EP400: variants seen among roughly 807,000 people sequenced by gnomAD.
EP400 encodes E1A binding protein p400, also known as E1A-binding protein p400.
EP400 carries 105 observed loss-of-function variants against 354.1 expected under a neutral mutation model. The ratio of observed to expected loss-of-function variants is 0.30; its 90% CI spans 0.25 to 0.35. The LOEUF is 0.35. EP400 is among the 10% of genes least tolerant of loss of function. The pLI is 1.00. For synonymous variants in EP400, 1,646 were observed against 1,716.9 expected (o/e 0.96, Z 1.02); for missense variants, 3,280 against 4,121.0 (o/e 0.80, Z 5.59).
In EP400 at chr12:132,043,469, G is replaced by A; in HGVS notation, c.6366+7G>A. ...AGCTGACTTCATGGAGCAGGTTTGGGCATGTTTTCCTTTACAACTACATAT... is the reference window on the plus strand; with the variant it reads ...AGCTGACTTCATGGAGCAGGTTTGGACATGTTTTCCTTTACAACTACATAT... On this transcript the variant is annotated splice_region_variant and intron_variant, in intron 33 of 52. Coordinates refer to ENST00000389561, the MANE Select transcript of EP400 (RefSeq NM_015409.5). 6.2e-7 allele frequency: 1 copy of A among 1,611,140 alleles called. No homozygotes were observed. The highest frequency in any genetic ancestry group is 1.7e-5 in the Admixed American group (1 of 59,676).
chr12:132,020,740 T>C (rs760616215), intron 22 of EP400, among the ~76,000 whole-genome samples: 5 of 152,254 alleles, frequency 3.3e-5, no homozygotes, highest in East Asian at 1.9e-4. Flanking sequence ...TATAGAAATA[T>C]GAGTGGAAGC....
At chr12:132,033,827 C>T (rs539366933) in intron 30 of EP400, among the ~76,000 whole-genome samples, 21 of 152,258 alleles carry the variant, frequency 1.4e-4, no homozygotes, top group East Asian at 7.7e-4. Context: ...TCACTGCACC[C>T]GGCCAACCAT....
At chr12:132,064,950 G>A in intron 48 of EP400, 64 bp downstream of exon 48, 3 of 1,529,564 alleles carry the variant, frequency 2.0e-6, no homozygotes, top group South Asian at 1.2e-5. Flanking sequence ...CACAGCTGTT[G>A]CGCTTGCTCA....
intron 2 of EP400, chr12:131,963,651 CGATG>C: frequency 1.3e-6 from 2 of 1,593,480 alleles, no homozygotes; most frequent in Non-Finnish European, 1.7e-6. Context: ...AGGTACTTTT[CGATG>C]GTTCTCAAAT....
intron 25 of EP400, among the ~76,000 whole-genome samples, chr12:132,026,292 G>C (rs919354545): frequency 6.6e-6 from 1 of 152,180 alleles, no homozygotes; most frequent in African/African-American, 2.4e-5. Context: ...GTGTCCTCTG[G>C]AACCCAGAGA....
At chr12:131,967,526 TAA>T (rs948291181) in intron 2 of EP400, among the ~76,000 whole-genome samples, 4 of 142,728 alleles carry the variant, frequency 2.8e-5, no homozygotes, top group Admixed American at 7.0e-5. Context: ...CATCTCTACT[TAA>T]AAAAAAAAAA....
At chr12:131,952,856 C>CT (rs370947545) in intron 1 of EP400, among the ~76,000 whole-genome samples, 9 of 151,218 alleles carry the variant, frequency 6.0e-5, no homozygotes, top group East Asian at 1.9e-4. Context: ...TGTTTTCCAT[C>CT]TTTTTTTTTA....
rs1661415870 is a variant in EP400, at chr12:132,027,877, C to CT, written c.5110-139dup. ...GTAGCTCTCGGCTTCATTTCTATCT[C>CT]TATTTCCTGTAACACAAGACCGGGG... On this transcript the variant is annotated intron_variant, in intron 26 of 52. Coordinates refer to ENST00000389561, the MANE Select transcript of EP400 (RefSeq NM_015409.5). This position sits in a 1 kb window ranked among gnomAD's most constrained non-coding sequence, Gnocchi z 4.9. 1 of 921,686 alleles carries CT rather than the reference C, an allele frequency of 1.1e-6. No individual in the cohort carries two copies. Among genetic ancestry groups the CT allele is most frequent in the South Asian group, 1.8e-5 (1 of 56,836 alleles). 57.1% of individuals were successfully genotyped at this position (921,686 alleles called of 1,614,324 possible).
rs1480450512 is a variant in EP400 at position 132,067,137 on chromosome 12, C to G, written c.8749+168C>G. 2.7e-6 allele frequency: 3 copies of G among 1,129,190 alleles called. No homozygotes were observed. The highest frequency in any genetic ancestry group is 2.4e-6 in the Non-Finnish European group (2 of 819,696). The allele number at this position is 1,129,190 out of a possible 1,614,324, so 69.9% of individuals were successfully genotyped here. A position where few individuals can be genotyped will look rare whatever the true frequency, so the allele number is the denominator to read the frequency against. ...GCCTTGGCGCTTTCCAGGCGCAAGG[C>G]TGGGTCCTCAATTGAACTGTTAACA... On this transcript the variant is annotated intron_variant, in intron 49 of 52. Coordinates refer to ENST00000389561, the MANE Select transcript of EP400 (RefSeq NM_015409.5). The surrounding 1 kb of genome is among the most constrained non-coding windows in gnomAD (Gnocchi z 5.3).
intron 32 of EP400, among the ~76,000 whole-genome samples, chr12:132,041,991 G>A (rs1393760618): frequency 2.2e-5 from 3 of 135,922 alleles, no homozygotes; most frequent in African/African-American, 5.7e-5. Context: ...CCCACTCATC[G>A]TCCAGGCTGC....
At chr12:132,076,313 G>T in intron 51 of EP400, 23 of 607,304 alleles carry the variant, frequency 3.8e-5, no homozygotes, top group Non-Finnish European at 5.9e-5. Context: ...ATGGCAAATT[G>T]GGGAGGCAGT....
intron 51 of EP400, chr12:132,076,295 G>T: frequency 3.4e-4 from 188 of 549,570 alleles, no homozygotes; most frequent in Middle Eastern, 8.4e-4. Flanking sequence ...AAGCTTAAAT[G>T]ATGAGTGATG....
intron 51 of EP400, chr12:132,076,200 AC>A (rs1896233559): frequency 7.1e-6 from 3 of 424,660 alleles, no homozygotes; most frequent in African/African-American, 6.1e-5. Context: ...TCAAATACTT[AC>A]CATCCTCAGT....
At chr12:132,002,473 G>C (rs1893448293) in intron 12 of EP400, among the ~76,000 whole-genome samples, 1 of 152,146 alleles carries the variant, frequency 6.6e-6, no homozygotes. Context: ...CTGTGGGGCA[G>C]AGTTTGGGAG....
chr12:132,016,918 C>G (rs1893958007), intron 19 of EP400, among the ~76,000 whole-genome samples: 1 of 152,198 alleles, frequency 6.6e-6, no homozygotes, highest in Admixed American at 6.5e-5. Context: ...TCCTGAGTCT[C>G]TCTCCCGACC....
chr12:132,006,461 T>G (rs2136524327), intron 14 of EP400, among the ~76,000 whole-genome samples, 159 bp downstream of exon 14: 1 of 152,342 alleles, frequency 6.6e-6, no homozygotes, highest in South Asian at 2.1e-4. Flanking sequence ...TCCCAGCTAC[T>G]CAGGAGGGTG....
chr12:132,018,169 G>T lies in EP400; in HGVS notation c.4111-41G>T, dbSNP rs751730547. 2.4e-5 allele frequency: 39 copies of T among 1,598,162 alleles called. No homozygotes were observed. The Middle Eastern group carries it at 2.5e-3, about 102-fold the overall frequency. ...GTTTTGATTCTTAGGTGCTTTTTTT[G>T]CCTCTTCATGCAGCAAGACTTTTTT... On this transcript the variant is annotated intron_variant, in intron 20 of 52. Coordinates refer to ENST00000389561, the MANE Select transcript of EP400 (RefSeq NM_015409.5). This position sits in a 1 kb window ranked among gnomAD's most constrained non-coding sequence, Gnocchi z 4.0.
Position 131,951,611 on chromosome 12 carries a change from G to GT in EP400, c.-36+1582dup, listed in dbSNP as rs1213309044. On this transcript the variant is annotated intron_variant, in intron 1 of 52. Coordinates refer to ENST00000389561, the MANE Select transcript of EP400 (RefSeq NM_015409.5). ...AATTTCTGTAATTATTCTTTTTATTGTTTTTTTGTAGACAGAGTCTCACTC... is the reference window on the plus strand; with the variant it reads ...AATTTCTGTAATTATTCTTTTTATTGTTTTTTTTGTAGACAGAGTCTCACTC... Among the ~76,000 whole-genome samples the GT allele has an allele frequency of 3.3e-5, 5 of 151,914 alleles. No individual in the cohort carries two copies. In the South Asian group the frequency reaches 1.0e-3, roughly 32 times the overall value.
intron 6 of EP400, 54 bp from the exon 7 acceptor site, chr12:131,987,651 G>GTGGAACACA (rs780654316): frequency 4.4e-5 from 65 of 1,480,132 alleles, no homozygotes; most frequent in Non-Finnish European, 5.9e-5. Flanking sequence ...GTCTGAGTTG[G>GTGGAACACA]TGGAACACAC....
Sources: allele counts gnomAD v4.1 joint callset (sites outside exome capture counted in the v4.1 genomes callset), GRCh38; gene constraint gnomAD v4.1.1; non-coding constraint Gnocchi (gnomAD v3.1); transcripts MANE v1.5; gene names NCBI Gene and HGNC (gene_info 2026-07-23, HGNC 2026-07-21).